HTR3B: variants seen among roughly 807,000 people sequenced by gnomAD.
HTR3B encodes 5-hydroxytryptamine (serotonin) receptor 3B, ionotropic.
Under a neutral mutation model 42.8 loss-of-function variants are expected in HTR3B, and 44 were observed. That is an observed-to-expected ratio of 1.03 (90% CI 0.81 to 1.32). HTR3B has a LOEUF of 1.32. Ranked by LOEUF, HTR3B falls within the 40% of genes most tolerant of loss-of-function variation. The pLI, the probability that HTR3B is intolerant of heterozygous loss-of-function variation, is 0.00. For missense variants in HTR3B, 527 were observed against 536.5 expected, an observed-to-expected ratio of 0.98 and a Z score of 0.17; for synonymous variants, 203 against 209.0, an observed-to-expected ratio of 0.97 and a Z score of 0.25.
In HTR3B at chr11:113,943,095, G is replaced by C. The variant is rs549253438; in HGVS notation, c.810G>C (p.Arg270Ser). The C allele has an allele frequency of 6.2e-6, 10 of 1,614,004 alleles. No individual in the cohort carries two copies. Among genetic ancestry groups the C allele is most frequent in the Non-Finnish European group, 8.5e-6 (10 of 1,180,034 alleles). The change falls in exon 7 of 9, where the codon AGG (arginine) becomes AGC (serine). Residue 270 changes from arginine to serine, a missense_variant. Physicochemically the swap from Arg to Ser is moderately radical, Grantham distance 110. Coordinates refer to ENST00000260191, the MANE Select transcript of HTR3B (RefSeq NM_006028.5). ...ACCTGCCACCCAACTGCCGAGCCAG[G>C]ATTGTGTTCAAGACCAGTGTGCTGG... is the stretch of plus-strand genomic sequence containing the variant. ...SFYLPPNCRA[R>S]IVFKTSVLVG...
intron 2 of HTR3B, 146 bp downstream of exon 2, chr11:113,909,601 T>TG (rs1949766992): frequency 3.0e-6 from 2 of 673,242 alleles, no homozygotes; most frequent in African/African-American, 1.8e-5. Flanking sequence ...AGCAGTTAGG[T>TG]AAAATATTCA....
intron 2 of HTR3B, among the ~76,000 whole-genome samples, chr11:113,912,279 T>G (rs910219455): frequency 2.6e-4 from 39 of 152,332 alleles, no homozygotes; most frequent in Non-Finnish European, 4.3e-4. Context: ...GACCTTGCTC[T>G]GTTACCCAGG....
intron 2 of HTR3B, among the ~76,000 whole-genome samples, chr11:113,928,074 C>T (rs1949994478): frequency 6.6e-6 from 1 of 152,120 alleles, no homozygotes; most frequent in Admixed American, 6.6e-5. Flanking sequence ...TGTGGTTCCC[C>T]TCTCCGTGTC....
At chr11:113,931,104 A>G (rs1031940019) in intron 2 of HTR3B, among the ~76,000 whole-genome samples, 2 of 152,178 alleles carry the variant, frequency 1.3e-5, no homozygotes, top group Admixed American at 1.3e-4. Context: ...TGGTAGAGTA[A>G]CTAATTAGAG....
chr11:113,932,511 G>T (rs1237438005), intron 5 of HTR3B, 53 bp downstream of exon 5: 10 of 1,323,558 alleles, frequency 7.6e-6, no homozygotes, highest in Admixed American at 1.9e-5. Context: ...TAGGTGAAAT[G>T]ATATTATACT....
intron 1 of HTR3B, among the ~76,000 whole-genome samples, chr11:113,905,454 G>A (rs1013583015): frequency 5.3e-5 from 8 of 152,118 alleles, no homozygotes; most frequent in Admixed American, 4.6e-4. Flanking sequence ...TATCATTTTG[G>A]TATTAGAGGC....
chr11:113,917,036 C>A (rs749666763), intron 2 of HTR3B, among the ~76,000 whole-genome samples: 1 of 152,154 alleles, frequency 6.6e-6, no homozygotes, highest in Non-Finnish European at 1.5e-5. Flanking sequence ...TGTCTTGTTA[C>A]CCTGACTAGG....
chr11:113,924,912 C>G (rs566769247), intron 2 of HTR3B, among the ~76,000 whole-genome samples: 6 of 152,054 alleles, frequency 3.9e-5, no homozygotes, highest in Admixed American at 2.0e-4. Flanking sequence ...TAAAGCAGGG[C>G]GACTATGTTT....
chr11:113,925,844 T>TA (rs1481102929), intron 2 of HTR3B, among the ~76,000 whole-genome samples: 2 of 152,206 alleles, frequency 1.3e-5, no homozygotes, highest in Non-Finnish European at 2.9e-5. Flanking sequence ...TCTTTATTAA[T>TA]ACATTTTTTT....
chr11:113,916,410 G>A (rs1472982592), intron 2 of HTR3B, among the ~76,000 whole-genome samples: 1 of 152,112 alleles, frequency 6.6e-6, no homozygotes, highest in African/African-American at 2.4e-5. Flanking sequence ...TAATCTGTAT[G>A]TTTGTCTTTC....
intron 2 of HTR3B, among the ~76,000 whole-genome samples, chr11:113,928,759 A>G (rs1950001723): frequency 2.0e-5 from 3 of 151,738 alleles, no homozygotes; most frequent in South Asian, 2.1e-4. Flanking sequence ...CTGGTCTCAA[A>G]CTCCTGACCT....
chr11:113,938,164 A>G (rs1250428931), intron 6 of HTR3B, among the ~76,000 whole-genome samples: 2 of 152,080 alleles, frequency 1.3e-5, no homozygotes, highest in African/African-American at 2.4e-5. Flanking sequence ...TACATCTTCA[A>G]TGATATCATT....
At position 113,947,689 on chromosome 11, in the gene HTR3B, C is replaced by A. The variant is rs1214259093; in HGVS notation, c.*1552C>A. On this transcript the variant is annotated 3_prime_UTR_variant, in exon 9 of 9. Transcript: ENST00000260191. ...GGTCCATCCTAGTGACCTCTTTTAACCTTAATCACTTTTTTCAAGGCCCTA... is the reference window on the plus strand; with the variant it reads ...GGTCCATCCTAGTGACCTCTTTTAAACTTAATCACTTTTTTCAAGGCCCTA... Among the ~76,000 whole-genome samples, 1 of 152,142 alleles carries A rather than the reference C, an allele frequency of 6.6e-6. No individual in the cohort carries two copies. The highest frequency in any genetic ancestry group is 2.4e-5 in the African/African-American group (1 of 41,444).
At chr11:113,907,464 TC>T (rs1402455657) in intron 1 of HTR3B, among the ~76,000 whole-genome samples, 6 of 152,292 alleles carry the variant, frequency 3.9e-5, no homozygotes, top group African/African-American at 1.4e-4. Context: ...TATTATTTCT[TC>T]CCATCTTAAA....
intron 6 of HTR3B, among the ~76,000 whole-genome samples, chr11:113,941,409 A>C (rs1182363323): frequency 6.6e-6 from 1 of 152,198 alleles, no homozygotes; most frequent in Non-Finnish European, 1.5e-5. Context: ...GTGTGTGCTT[A>C]TTAAAGACAC....
At chr11:113,931,924 A>G in intron 4 of HTR3B, 57 bp downstream of exon 4, 2 of 977,222 alleles carry the variant, frequency 2.0e-6, no homozygotes, top group South Asian at 2.6e-5. Context: ...TAGTCGGGCC[A>G]GTTGCTGCTT....
chr11:113,922,423 T>G (rs111685025), intron 2 of HTR3B, among the ~76,000 whole-genome samples: 1,911 of 152,052 alleles, frequency 0.013, 21 homozygotes, highest in South Asian at 0.033. Context: ...TTGTAGAGAC[T>G]TAATTTCGCC....
chr11:113,925,451 G>T, intron 2 of HTR3B, among the ~76,000 whole-genome samples: 1 of 139,484 alleles, frequency 7.2e-6, no homozygotes, highest in Admixed American at 7.3e-5. Context: ...TGAAACAGAG[G>T]CTCTCTCTAT....
chr11:113,903,368 T>C (rs1949708759), upstream of HTR3B, among the ~76,000 whole-genome samples: 3 of 152,282 alleles, frequency 2.0e-5, no homozygotes, highest in South Asian at 6.2e-4. Flanking sequence ...AGCTAGGGAA[T>C]ATATGCATGT....
Sources: allele counts gnomAD v4.1 joint callset (sites outside exome capture counted in the v4.1 genomes callset), GRCh38; gene constraint gnomAD v4.1.1; transcripts MANE v1.5; gene names NCBI Gene and HGNC (gene_info 2026-07-23, HGNC 2026-07-21).